Variants in TMEM117 observed in about 807,000 individuals in gnomAD.
TMEM117 encodes the protein transmembrane protein 117.
In TMEM117, 27 loss-of-function variants were observed where a neutral mutation model predicts 52.4. The ratio of observed to expected loss-of-function variants is 0.51; its 90% CI spans 0.38 to 0.71. TMEM117 has a LOEUF of 0.71. Among genes scored for constraint, TMEM117 ranks in the 30% least tolerant of loss-of-function variants. The pLI, the probability that TMEM117 is intolerant of heterozygous loss-of-function variation, is 0.00. For synonymous variants in TMEM117, 215 were observed against 206.3 expected, an observed-to-expected ratio of 1.04 and a Z score of -0.36; for missense variants, 556 against 630.5, an observed-to-expected ratio of 0.88 and a Z score of 1.26.
chr12:44,047,723 A>C (rs1946902378), intron 3 of TMEM117, among the ~76,000 whole-genome samples: 1 of 152,294 alleles, frequency 6.6e-6, no homozygotes, highest in South Asian at 2.1e-4. Flanking sequence ...CCTTAGAGAA[A>C]AATCCCCAAT....
At chr12:43,863,322 A>G (rs1943523445) in intron 2 of TMEM117, among the ~76,000 whole-genome samples, 1 of 152,218 alleles carries the variant, frequency 6.6e-6, no homozygotes, top group Admixed American at 6.5e-5. Context: ...AAGAGTAAGG[A>G]AGGAGGAGGT....
chr12:44,355,749 AT>A, intron 6 of TMEM117, among the ~76,000 whole-genome samples: 1 of 152,044 alleles, frequency 6.6e-6, no homozygotes. Context: ...CCTGCTTTGT[AT>A]TCTATATATA....
intron 3 of TMEM117, among the ~76,000 whole-genome samples, chr12:44,024,483 A>T (rs571482206): frequency 1.3e-5 from 2 of 152,244 alleles, no homozygotes; most frequent in African/African-American, 4.8e-5. Context: ...GAGCAGGGGG[A>T]TTATTTAGTA....
intron 7 of TMEM117, among the ~76,000 whole-genome samples, chr12:44,384,905 T>A (rs980441441): frequency 6.6e-6 from 1 of 152,154 alleles, no homozygotes; most frequent in Non-Finnish European, 1.5e-5. Context: ...CATTTTATCC[T>A]CACAAATAAT....
intron 5 of TMEM117, among the ~76,000 whole-genome samples, chr12:44,294,539 T>G (rs911712289): frequency 1.3e-5 from 2 of 152,232 alleles, no homozygotes; most frequent in African/African-American, 4.8e-5. Context: ...ACCATGGATC[T>G]TGGGAAACTC....
intron 3 of TMEM117, among the ~76,000 whole-genome samples, chr12:44,025,738 T>C (rs1946522982): frequency 6.6e-6 from 1 of 152,166 alleles, no homozygotes. Context: ...AAAAGGAACA[T>C]TTCTAGAGAA....
intron 3 of TMEM117, among the ~76,000 whole-genome samples, chr12:44,049,433 G>C (rs892817249): frequency 1.2e-4 from 18 of 151,850 alleles, no homozygotes; most frequent in African/African-American, 4.4e-4. Context: ...GGGGGCGAGG[G>C]GAAGGAACTT....
intron 2 of TMEM117, among the ~76,000 whole-genome samples, chr12:43,886,256 G>T (rs1248101981): frequency 1.3e-5 from 2 of 152,140 alleles, no homozygotes; most frequent in Non-Finnish European, 2.9e-5. Flanking sequence ...ATAGAGGGCG[G>T]TGTACCTGCA....
At chr12:44,097,728 T>G (rs7979782) in intron 3 of TMEM117, among the ~76,000 whole-genome samples, 18,696 of 81,914 alleles carry the variant, frequency 0.23, 1,771 homozygotes, top group African/African-American at 0.47. Flanking sequence ...GGTGGGGGGA[T>G]GGGGGAGGGA....
intron 3 of TMEM117, among the ~76,000 whole-genome samples, chr12:44,107,800 G>T (rs956486848): frequency 6.6e-6 from 1 of 151,958 alleles, no homozygotes; most frequent in Non-Finnish European, 1.5e-5. Flanking sequence ...TGTTTTCTTT[G>T]TGGACAGATG....
At chr12:44,122,546 G>A (rs888676372) in intron 3 of TMEM117, among the ~76,000 whole-genome samples, 1 of 152,064 alleles carries the variant, frequency 6.6e-6, no homozygotes, top group Non-Finnish European at 1.5e-5. Flanking sequence ...TATTCTTCTT[G>A]ATGCTTTTTC....
chr12:44,253,475 C>T (rs904247785), intron 5 of TMEM117, among the ~76,000 whole-genome samples: 1 of 152,026 alleles, frequency 6.6e-6, no homozygotes, highest in Non-Finnish European at 1.5e-5. Context: ...AGAAAAGACC[C>T]GATATGAGCC....
chr12:44,026,785 CCAT>C (rs2137852296), intron 3 of TMEM117, among the ~76,000 whole-genome samples: 1 of 152,126 alleles, frequency 6.6e-6, no homozygotes, highest in South Asian at 2.1e-4. Context: ...GCAATTATCA[CCAT>C]GTTTTAAAAT....
chr12:44,197,941 C>T (rs1949443015), intron 4 of TMEM117, among the ~76,000 whole-genome samples: 1 of 152,170 alleles, frequency 6.6e-6, no homozygotes, highest in African/African-American at 2.4e-5. Context: ...CTCTAAAAAG[C>T]TGTAGAATAC....
At chr12:43,909,875 C>A (rs1944465248) in intron 2 of TMEM117, among the ~76,000 whole-genome samples, 1 of 133,254 alleles carries the variant, frequency 7.5e-6, no homozygotes, top group Admixed American at 8.1e-5. Context: ...GAAAAAGAGT[C>A]CAGGACCAGA....
At position 43,867,962 on chromosome 12, in the gene TMEM117, A is replaced by AT. The variant is rs34593902; in HGVS notation, c.277+23040dup. ...ACATTACTCCAGAAAAAGAATACAC[A>AT]TTTTTTCAAGTACAATGGAATATTA... is the stretch of plus-strand genomic sequence containing the variant. On this transcript the variant is annotated intron_variant, in intron 2 of 7. Coordinates refer to ENST00000266534, the MANE Select transcript of TMEM117 (RefSeq NM_032256.3). Among the ~76,000 whole-genome samples the AT allele has an allele frequency of 1.1e-4, 17 of 152,256 alleles. No individual in the cohort carries two copies. In the South Asian group the frequency reaches 3.3e-3, roughly 30 times the overall value.
chr12:44,003,045 C>T (rs943577991), intron 3 of TMEM117, among the ~76,000 whole-genome samples: 1 of 152,132 alleles, frequency 6.6e-6, no homozygotes, highest in Non-Finnish European at 1.5e-5. Context: ...CTTTTCTCCC[C>T]AACCCTGCCT....
At chr12:43,813,247 T>G in the TMEM117 span, among the ~76,000 whole-genome samples, 2,119 of 136,862 alleles carry the variant, frequency 0.015, 89 homozygotes, top group African/African-American at 0.055. Flanking sequence ...TTTTTTTTTT[T>G]TTTTTTTTTT....
intron 3 of TMEM117, among the ~76,000 whole-genome samples, chr12:44,030,936 T>A (rs545138748): frequency 3.3e-5 from 5 of 152,230 alleles, no homozygotes; most frequent in Non-Finnish European, 7.3e-5. Flanking sequence ...CAACAGGTTT[T>A]TCTTAAAGCA....
Sources: gnomAD v4.1 joint callset for allele counts (sites outside exome capture counted in the v4.1 genomes callset) on GRCh38, gnomAD v4.1.1 for gene constraint, MANE v1.5 for transcripts, NCBI Gene and HGNC (gene_info 2026-07-23, HGNC 2026-07-21) for gene names.